RIMS2: variants seen among roughly 807,000 people sequenced by gnomAD.
The protein encoded by RIMS2 is regulating synaptic membrane exocytosis protein 2.
Under a neutral mutation model 174.4 loss-of-function variants are expected in RIMS2, and 59 were observed. That is an observed-to-expected ratio of 0.34 (90% confidence interval 0.27 to 0.42). The LOEUF (loss-of-function observed/expected upper bound fraction) is 0.42, where lower values mean the gene tolerates loss of function less well. Among genes scored for constraint, RIMS2 ranks in the 10% least tolerant of loss-of-function variants. RIMS2 has a pLI of 1.00. For synonymous variants in RIMS2, 606 were observed against 572.5 expected (o/e 1.06, Z -0.84); for missense variants, 1,620 against 1,666.3 (o/e 0.97, Z 0.48).
chr8:103,834,676 T>TTTCC (rs2098847912), intron 3 of RIMS2, among the ~76,000 whole-genome samples: 69 of 120,096 alleles, frequency 5.7e-4, no homozygotes, highest in African/African-American at 2.0e-3. Flanking sequence ...TCTGAGGTCT[T>TTTCC]TTTCTTTCTT....
rs1341877810 is a variant in RIMS2, at chr8:103,904,918, T to C, written c.1625-5216T>C. 4.6e-5 allele frequency among the ~76,000 whole-genome samples: 7 copies of C among 152,048 alleles called. No individual in the cohort carries two copies. The East Asian group carries it at 1.2e-3, about 25-fold the overall frequency. ...TTTAAGTGTATTTCTTTTTGTAGGT[T>C]TTTTTGTGTGGTTGCTTTAGGTAAT... is the stretch of plus-strand genomic sequence containing the variant. On this transcript the variant is annotated intron_variant, in intron 4 of 23. Transcript: ENST00000504942.
chr8:103,817,229 A>G (rs2098723421), intron 3 of RIMS2, among the ~76,000 whole-genome samples: 1 of 152,182 alleles, frequency 6.6e-6, no homozygotes, highest in Non-Finnish European at 1.5e-5. Flanking sequence ...GAGTTAAAAC[A>G]TTTGAGATAT....
chr8:103,782,593 G>C (rs919335726), intron 3 of RIMS2, among the ~76,000 whole-genome samples: 1 of 152,022 alleles, frequency 6.6e-6, no homozygotes, highest in Non-Finnish European at 1.5e-5. Flanking sequence ...CCACTAGAAA[G>C]GATGTACAAA....
chr8:103,856,811 G>A (rs201113154), intron 3 of RIMS2, among the ~76,000 whole-genome samples: 1 of 148,032 alleles, frequency 6.8e-6, no homozygotes, highest in Admixed American at 6.7e-5. Context: ...CTTTTTTTTT[G>A]TTTTTTTTTC....
chr8:103,768,092 G>A (rs2098199692), intron 3 of RIMS2, among the ~76,000 whole-genome samples: 1 of 152,282 alleles, frequency 6.6e-6, no homozygotes, highest in African/African-American at 2.4e-5. Flanking sequence ...GTTGCTGGTA[G>A]TATCTGCTAC....
At chr8:103,575,508 T>C (rs1366814658) in intron 1 of RIMS2, among the ~76,000 whole-genome samples, 7 of 152,046 alleles carry the variant, frequency 4.6e-5, no homozygotes, top group African/African-American at 1.7e-4. Context: ...ATGTTTATAA[T>C]ATTCCTATAT....
chr8:103,912,392 G>C (rs1048524637), intron 6 of RIMS2, among the ~76,000 whole-genome samples: 8 of 151,926 alleles, frequency 5.3e-5, no homozygotes, highest in Admixed American at 6.6e-5. Context: ...TATAAATTTG[G>C]AAGACATTAA....
chr8:104,133,671 A>G (rs927341094), intron 19 of RIMS2, among the ~76,000 whole-genome samples: 1 of 152,108 alleles, frequency 6.6e-6, no homozygotes, highest in Non-Finnish European at 1.5e-5. Flanking sequence ...TGCAGTAGAG[A>G]GTGGCATGGA....
chr8:103,552,976 G>A (rs562742628), intron 1 of RIMS2, among the ~76,000 whole-genome samples: 22 of 152,276 alleles, frequency 1.4e-4, no homozygotes, highest in African/African-American at 4.6e-4. Flanking sequence ...GGAGAAATAG[G>A]AACACTTTTA....
intron 1 of RIMS2, among the ~76,000 whole-genome samples, chr8:103,595,998 T>A (rs2094465550): frequency 6.6e-6 from 1 of 151,956 alleles, no homozygotes. Flanking sequence ...AATGGCTAAT[T>A]CATGGATTGT....
chr8:103,618,171 T>C (rs1217294275), intron 1 of RIMS2, among the ~76,000 whole-genome samples: 4 of 151,976 alleles, frequency 2.6e-5, no homozygotes, highest in African/African-American at 9.7e-5. Context: ...AAAATGAAGA[T>C]CATATCTTTT....
chr8:104,164,097 C>A (rs1262751888), intron 19 of RIMS2, among the ~76,000 whole-genome samples: 1 of 152,148 alleles, frequency 6.6e-6, no homozygotes, highest in African/African-American at 2.4e-5. Flanking sequence ...CAAATCCTTT[C>A]CAGTCCCATT....
intron 3 of RIMS2, among the ~76,000 whole-genome samples, chr8:103,789,854 G>A (rs1180026574): frequency 1.3e-5 from 2 of 149,168 alleles, no homozygotes; most frequent in Non-Finnish European, 3.0e-5. Context: ...CCAGGCTGTA[G>A]CAATTCTTCC....
At chr8:103,789,904 T>C (rs976571330) in intron 3 of RIMS2, among the ~76,000 whole-genome samples, 3 of 151,926 alleles carry the variant, frequency 2.0e-5, no homozygotes, top group Non-Finnish European at 4.4e-5. Flanking sequence ...AAGTGTGTGC[T>C]ACCATGTCCA....
At chr8:103,988,414 G>A (rs1006353076) in intron 16 of RIMS2, among the ~76,000 whole-genome samples, 5 of 152,126 alleles carry the variant, frequency 3.3e-5, no homozygotes, top group East Asian at 1.9e-4. Context: ...GGGCTGTTGC[G>A]TGTCATCATG....
intron 19 of RIMS2, among the ~76,000 whole-genome samples, chr8:104,206,652 T>A (rs1429503776): frequency 6.6e-6 from 1 of 152,216 alleles, no homozygotes; most frequent in Non-Finnish European, 1.5e-5. Context: ...TATAGAGATT[T>A]TAAGCAATTG....
At chr8:104,133,084 G>T (rs1488296721) in intron 19 of RIMS2, among the ~76,000 whole-genome samples, 3 of 152,212 alleles carry the variant, frequency 2.0e-5, no homozygotes, top group Non-Finnish European at 1.5e-5. Flanking sequence ...TCTAGTGTCA[G>T]ACTGCTGGGT....
chr8:103,568,959 T>TA (rs946661213), intron 1 of RIMS2: 8 of 682,466 alleles, frequency 1.2e-5, no homozygotes, highest in Admixed American at 3.9e-5. Flanking sequence ...CATGGTGTCT[T>TA]ACAGCTGCAT....
chr8:104,043,303 A>T (rs1003679274), intron 19 of RIMS2, among the ~76,000 whole-genome samples: 2 of 151,636 alleles, frequency 1.3e-5, no homozygotes, highest in Non-Finnish European at 3.0e-5. Flanking sequence ...GTCCCCAAGG[A>T]TATCCTGAAG....
Sources: gnomAD v4.1 joint callset for allele counts (sites outside exome capture counted in the v4.1 genomes callset) on GRCh38, gnomAD v4.1.1 for gene constraint, MANE v1.5 for transcripts, NCBI Gene and HGNC (gene_info 2026-07-23, HGNC 2026-07-21) for gene names.